Variants in FGF12 observed in about 807,000 individuals in gnomAD.
FGF12 encodes fibroblast growth factor 12.
A neutral mutation model predicts 23.6 loss-of-function variants in FGF12; 14 were observed. The observed-to-expected ratio is 0.59, with a 90% CI of 0.39 to 0.93. The LOEUF (loss-of-function observed/expected upper bound fraction) is 0.93. FGF12 is among the 40% of genes least tolerant of loss of function. The probability of loss-of-function intolerance (pLI) is 0.00; values close to 1 mark genes in which losing one functional copy is unlikely to be tolerated. For missense variants in FGF12, 175 were observed against 217.8 expected (o/e 0.80, Z 1.24); for synonymous variants, 62 against 77.3 (o/e 0.80, Z 1.04).
intron 2 of FGF12, among the ~76,000 whole-genome samples, chr3:192,687,569 G>A (rs1180619805): frequency 6.6e-6 from 1 of 152,094 alleles, no homozygotes; most frequent in Non-Finnish European, 1.5e-5. Flanking sequence ...GTCTCTAAAG[G>A]AGCTCCGGCC....
chr3:192,617,963 A>C (rs1714825412), intron 2 of FGF12, among the ~76,000 whole-genome samples: 1 of 152,124 alleles, frequency 6.6e-6, no homozygotes. Context: ...ATAGGAAAGG[A>C]AAATAAATTT....
intron 4 of FGF12, among the ~76,000 whole-genome samples, chr3:192,313,050 T>C (rs1381116093): frequency 1.3e-5 from 2 of 152,222 alleles, no homozygotes; most frequent in African/African-American, 4.8e-5. Flanking sequence ...AAGTATTACA[T>C]CCTTAAAGAA....
At chr3:192,234,958 G>T (rs1022767827) in intron 4 of FGF12, among the ~76,000 whole-genome samples, 10 of 152,100 alleles carry the variant, frequency 6.6e-5, no homozygotes, top group Non-Finnish European at 1.3e-4. Flanking sequence ...TTTTGTTGAA[G>T]ATTTTTATAT....
intron 4 of FGF12, among the ~76,000 whole-genome samples, chr3:192,216,326 G>A (rs1056245327): frequency 1.3e-5 from 2 of 152,160 alleles, no homozygotes; most frequent in African/African-American, 4.8e-5. Context: ...CCTGGTAATG[G>A]AGGTTATTCC....
chr3:192,664,585 C>G (rs1003489244), intron 2 of FGF12, among the ~76,000 whole-genome samples: 10 of 56,200 alleles, frequency 1.8e-4, no homozygotes, highest in Non-Finnish European at 3.1e-4. Flanking sequence ...CCTGTCTCTA[C>G]TAAAAATACA....
rs183265063 is a variant in FGF12, at chr3:192,659,300, T to C, written c.13+67881A>G. Among the ~76,000 whole-genome samples the C allele has an allele frequency of 5.3e-5, 8 of 152,232 alleles. No homozygotes were observed. The East Asian group carries it at 1.2e-3, about 22-fold the overall frequency. On this transcript the variant is annotated intron_variant, in intron 2 of 5. Transcript: ENST00000445105. ...CAAAAAATATGACCTGACAGAACTA[T>C]AGCAATGAAAACTAAACTGATAATA...
chr3:192,314,669 G>A (rs946508978), intron 4 of FGF12, among the ~76,000 whole-genome samples: 1 of 152,120 alleles, frequency 6.6e-6, no homozygotes, highest in African/African-American at 2.4e-5. Flanking sequence ...CCATTGTTAT[G>A]GGCATCACTT....
At chr3:192,573,393 A>C (rs1004539165) in intron 2 of FGF12, among the ~76,000 whole-genome samples, 4 of 152,196 alleles carry the variant, frequency 2.6e-5, no homozygotes, top group Non-Finnish European at 5.9e-5. Flanking sequence ...AAATCAGTAG[A>C]GTGAGTAAAG....
intron 2 of FGF12, chr3:192,726,873 T>C (rs1015207339): frequency 2.0e-5 from 9 of 448,112 alleles, no homozygotes; most frequent in African/African-American, 1.4e-4. Flanking sequence ...AGAAAAGATA[T>C]TGCTTTACTA....
intron 2 of FGF12, among the ~76,000 whole-genome samples, chr3:192,564,317 G>T (rs973800782): frequency 6.6e-6 from 1 of 152,164 alleles, no homozygotes; most frequent in Admixed American, 6.5e-5. Context: ...GCCTGCCTCA[G>T]CTTCCCAAAG....
At chr3:192,437,541 C>T (rs1722064666) in intron 2 of FGF12, among the ~76,000 whole-genome samples, 1 of 151,844 alleles carries the variant, frequency 6.6e-6, no homozygotes, top group South Asian at 2.1e-4. Context: ...AAATACAAAC[C>T]ATTAGCCGGG....
intron 3 of FGF12, among the ~76,000 whole-genome samples, chr3:192,348,400 A>T (rs1718061118): frequency 6.6e-6 from 1 of 152,156 alleles, no homozygotes; most frequent in Admixed American, 6.6e-5. Context: ...TTCTCAAATC[A>T]GATATATGAA....
chr3:192,402,496 T>C (rs1325981434), intron 2 of FGF12, among the ~76,000 whole-genome samples: 1 of 152,208 alleles, frequency 6.6e-6, no homozygotes, highest in Non-Finnish European at 1.5e-5. Context: ...TTCTTGAACT[T>C]TTCATCAGAT....
At chr3:192,271,744 G>A (rs891864162) in intron 4 of FGF12, among the ~76,000 whole-genome samples, 25 of 152,126 alleles carry the variant, frequency 1.6e-4, no homozygotes, top group African/African-American at 5.6e-4. Context: ...ACATCTGAAT[G>A]TTTTATAAAC....
chr3:192,718,640 G>A lies in FGF12; in HGVS notation c.13+8541C>T, dbSNP rs572077639. ...GCGTCTTTTCCACAAGGCCACTGCA[G>A]CCATCCATCAATTTAGACATGAACC... On this transcript the variant is annotated intron_variant, in intron 2 of 5. Transcript: ENST00000445105. Among the ~76,000 whole-genome samples the A allele has an allele frequency of 5.3e-4, 81 of 152,274 alleles. 4 individuals are homozygous for A. The South Asian group carries it at 0.014, about 26-fold the overall frequency.
At chr3:192,314,282 AAAATT>A (rs1452815643) in intron 4 of FGF12, among the ~76,000 whole-genome samples, 45 of 147,672 alleles carry the variant, frequency 3.0e-4, no homozygotes, top group African/African-American at 1.0e-3. Context: ...ATTAAAAATT[AAAATT>A]AAAAAAAAAA....
rs1388847031 is a variant in FGF12 at position 192,141,930 on chromosome 3, T to TC, written c.*2078_*2079insG. On this transcript the variant is annotated 3_prime_UTR_variant, in exon 6 of 6. Coordinates refer to ENST00000445105, the MANE Select transcript of FGF12 (RefSeq NM_004113.6). ...AAGCTTTGTGCTTGGGATTTTTTTC[T>TC]TTTTTTTTTTGGTTCTGGTAGTGAC... is the stretch of plus-strand genomic sequence containing the variant. 1 of 145,118 alleles carries TC rather than the reference T, an allele frequency of 6.9e-6. No individual in the cohort carries two copies. Among genetic ancestry groups the TC allele is most frequent in the East Asian group, 2.0e-4 (1 of 5,066 alleles). The allele number at this position is 145,118 out of a possible 1,614,324, so 9.0% of individuals were successfully genotyped here.
At chr3:192,313,426 C>T (rs1007839074) in intron 4 of FGF12, among the ~76,000 whole-genome samples, 2 of 152,174 alleles carry the variant, frequency 1.3e-5, no homozygotes, top group Non-Finnish European at 2.9e-5. Flanking sequence ...TTTCACACTT[C>T]CCTGAAGAGA....
intron 2 of FGF12, among the ~76,000 whole-genome samples, chr3:192,714,680 G>A (rs1409790569): frequency 2.0e-5 from 3 of 151,768 alleles, no homozygotes; most frequent in Non-Finnish European, 4.4e-5. Context: ...CACTACGTCC[G>A]GCTAATTTTT....
Sources: allele counts gnomAD v4.1 joint callset (sites outside exome capture counted in the v4.1 genomes callset), GRCh38; gene constraint gnomAD v4.1.1; transcripts MANE v1.5; gene names NCBI Gene and HGNC (gene_info 2026-07-23, HGNC 2026-07-21).